ESR1: variants seen among roughly 807,000 people sequenced by gnomAD.
ESR1 encodes the protein estrogen receptor 1.
A neutral mutation model predicts 52.7 loss-of-function variants in ESR1; 12 were observed. The ratio of observed to expected loss-of-function variants is 0.23; its 90% CI spans 0.15 to 0.37. ESR1 has a LOEUF of 0.37. Ranked by LOEUF, ESR1 falls within the 10% of genes least tolerant of loss-of-function variation. The pLI is 1.00. For synonymous variants in ESR1, 305 were observed against 316.8 expected, an observed-to-expected ratio of 0.96 and a Z score of 0.39; for missense variants, 584 against 779.7, an observed-to-expected ratio of 0.75 and a Z score of 2.99.
chr6:151,959,095 G>T (rs572562955), intron 4 of ESR1, among the ~76,000 whole-genome samples: 1 of 152,034 alleles, frequency 6.6e-6, no homozygotes, highest in Admixed American at 6.6e-5. Flanking sequence ...GCCAGGATGG[G>T]CATCTCTGAC....
At chr6:151,683,700 T>C (rs114358318) in intron 1 of ESR1, among the ~76,000 whole-genome samples, 2,284 of 151,690 alleles carry the variant, frequency 0.015, 55 homozygotes, top group African/African-American at 0.051. Context: ...CATACATTTT[T>C]TTTTCTTTTT....
At chr6:151,682,655 AAG>A (rs1272546684) in intron 1 of ESR1, among the ~76,000 whole-genome samples, 2 of 152,244 alleles carry the variant, frequency 1.3e-5, no homozygotes, top group Admixed American at 6.5e-5. Flanking sequence ...GTATACGTGG[AAG>A]AGTTATTAGA....
intron 4 of ESR1, 90 bp from the exon 5 acceptor site, chr6:152,011,566 C>T (rs1260313075): frequency 2.8e-6 from 4 of 1,447,190 alleles, no homozygotes; most frequent in East Asian, 4.6e-5. Context: ...AGAAAATAGA[C>T]CTTGTCAGTT....
chr6:151,679,457 C>A (rs925699684), intron 1 of ESR1, among the ~76,000 whole-genome samples: 2 of 152,192 alleles, frequency 1.3e-5, no homozygotes, highest in African/African-American at 4.8e-5. Context: ...TCGAGCAAAT[C>A]TCCTGCCTCA....
intron 6 of ESR1, among the ~76,000 whole-genome samples, chr6:152,076,432 C>G (rs546750775): frequency 1.3e-5 from 2 of 152,232 alleles, no homozygotes; most frequent in Admixed American, 1.3e-4. Context: ...TCTTTATCAG[C>G]AGCACGAAAA....
intron 4 of ESR1, among the ~76,000 whole-genome samples, chr6:152,004,521 T>C (rs1053609124): frequency 6.6e-6 from 1 of 151,986 alleles, no homozygotes; most frequent in African/African-American, 2.4e-5. Flanking sequence ...CTCCAGGAAA[T>C]ACTGCAGGCC....
At chr6:151,904,862 A>G (rs12209543) in intron 3 of ESR1, among the ~76,000 whole-genome samples, 77 of 152,144 alleles carry the variant, frequency 5.1e-4, no homozygotes, top group Non-Finnish European at 9.1e-4. Context: ...TAGTACTGGT[A>G]ATGGGCCAGG....
rs2152504204 is a variant in ESR1 at position 152,098,081 on chromosome 6, G to T, written c.1554-651G>T. Reference sequence around the variant, plus strand: ...CCAGCAAGTAGGAACAGCAAGTGTAGGTCCCCTAAGTCTTGGGGGAGCTTA... The same window carrying T: ...CCAGCAAGTAGGAACAGCAAGTGTATGTCCCCTAAGTCTTGGGGGAGCTTA... On this transcript the variant is annotated intron_variant, in intron 7 of 7. Transcript: ENST00000206249. The surrounding 1 kb of genome is among the most constrained non-coding windows in gnomAD (Gnocchi z 5.1). Among the ~76,000 whole-genome samples, 1 of 152,204 alleles carries T rather than the reference G, an allele frequency of 6.6e-6. No individual in the cohort carries two copies. Among genetic ancestry groups the T allele is most frequent in the South Asian group, 2.1e-4 (1 of 4,808 alleles).
At chr6:151,918,095 G>T (rs1259531122) in intron 3 of ESR1, among the ~76,000 whole-genome samples, 1 of 152,166 alleles carries the variant, frequency 6.6e-6, no homozygotes, top group Non-Finnish European at 1.5e-5. Context: ...TAAACTTGTG[G>T]GCAGATACCC....
chr6:152,050,746 T>C (rs2128925856), intron 5 of ESR1, among the ~76,000 whole-genome samples: 1 of 152,320 alleles, frequency 6.6e-6, no homozygotes, highest in Middle Eastern at 3.4e-3. Flanking sequence ...CTTCAGATCA[T>C]TGCATTTGTT....
chr6:152,100,815 C>CA lies in ESR1; in HGVS notation c.*1851dup, dbSNP rs2050940726. On this transcript the variant is annotated 3_prime_UTR_variant, in exon 8 of 8. Coordinates refer to ENST00000206249, the MANE Select transcript of ESR1 (RefSeq NM_000125.4). The stretch of plus-strand genomic sequence containing the variant: ...TTTTATGTGCACTTAAATTTGGGGA[C>CA]AATTTTATGTATCTGTGTTAAGGAT... 1 of 227,302 alleles carries CA rather than the reference C, an allele frequency of 4.4e-6. No homozygotes were observed. Among genetic ancestry groups the CA allele is most frequent in the South Asian group, 1.8e-4 (1 of 5,414 alleles). 14.1% of individuals were successfully genotyped at this position (227,302 alleles called of 1,614,324 possible). A position where few individuals can be genotyped will look rare whatever the true frequency, so the allele number is the denominator to read the frequency against.
intron 5 of ESR1, among the ~76,000 whole-genome samples, chr6:152,041,177 T>C (rs1378639797): frequency 6.6e-6 from 1 of 152,168 alleles, no homozygotes; most frequent in Non-Finnish European, 1.5e-5. Context: ...TCCCCTGTGA[T>C]TGACCTATAG....
chr6:152,058,454 A>C (rs2047282913), intron 5 of ESR1, among the ~76,000 whole-genome samples: 1 of 152,210 alleles, frequency 6.6e-6, no homozygotes, highest in African/African-American at 2.4e-5. Flanking sequence ...CTCCCTTGAC[A>C]TATCCATGTA....
intron 2 of ESR1, among the ~76,000 whole-genome samples, chr6:151,766,676 T>A (rs1291984350): frequency 6.6e-6 from 1 of 152,142 alleles, no homozygotes; most frequent in East Asian, 1.9e-4. Context: ...AGAAAAAATT[T>A]ACAGTTTTCT....
chr6:151,981,390 C>A (rs1439578926), intron 4 of ESR1, among the ~76,000 whole-genome samples: 1 of 152,104 alleles, frequency 6.6e-6, no homozygotes, highest in African/African-American at 2.4e-5. Flanking sequence ...GTGAGTGGTG[C>A]CCCAGCAGAT....
At chr6:152,002,426 G>A (rs1335632109) in intron 4 of ESR1, among the ~76,000 whole-genome samples, 1 of 152,088 alleles carries the variant, frequency 6.6e-6, no homozygotes, top group South Asian at 2.1e-4. Context: ...GGAAAATGCA[G>A]ACTGATGACA....
chr6:152,023,635 A>G (rs2043877200), intron 5 of ESR1, among the ~76,000 whole-genome samples: 1 of 152,220 alleles, frequency 6.6e-6, no homozygotes, highest in African/African-American at 2.4e-5. Flanking sequence ...GATTTATTCA[A>G]TTTAGAGTCC....
At chr6:151,917,592 T>A (rs924722014) in intron 3 of ESR1, among the ~76,000 whole-genome samples, 3 of 152,166 alleles carry the variant, frequency 2.0e-5, no homozygotes, top group Admixed American at 2.0e-4. Context: ...AGTTACTTGA[T>A]CTAGGCCTTG....
At chr6:152,083,745 A>G (rs2049441619) in intron 6 of ESR1, among the ~76,000 whole-genome samples, 1 of 152,200 alleles carries the variant, frequency 6.6e-6, no homozygotes, top group African/African-American at 2.4e-5. Flanking sequence ...TCTGCAAAGA[A>G]CTTAAACAAA....
Sources: gnomAD v4.1 joint callset for allele counts (sites outside exome capture counted in the v4.1 genomes callset) on GRCh38, gnomAD v4.1.1 for gene constraint, Gnocchi (gnomAD v3.1) non-coding constraint, MANE v1.5 for transcripts, NCBI Gene and HGNC (gene_info 2026-07-23, HGNC 2026-07-21) for gene names.